Variants in PACS2 observed in about 807,000 individuals in gnomAD.
PACS2 encodes PACS1-like protein.
In PACS2, 36 loss-of-function variants were observed where a neutral mutation model predicts 113.0. The observed-to-expected ratio is 0.32, with a 90% confidence interval of 0.24 to 0.42. The LOEUF is 0.42. PACS2 is among the 10% of genes least tolerant of loss of function. PACS2 has a pLI of 1.00. For missense variants in PACS2, 1,015 were observed against 1,239.5 expected (o/e 0.82, Z 2.72); for synonymous variants, 589 against 536.1 (o/e 1.10, Z -1.36).
At chr14:105,378,082 T>C (rs1385482238) in intron 9 of PACS2, among the ~76,000 whole-genome samples, 1 of 152,222 alleles carries the variant, frequency 6.6e-6, no homozygotes, top group Non-Finnish European at 1.5e-5. Flanking sequence ...CAAGGCCCAG[T>C]GAAGTCCCCC....
At chr14:105,353,741 G>C (rs587709849) in intron 3 of PACS2, among the ~76,000 whole-genome samples, 122 of 152,000 alleles carry the variant, frequency 8.0e-4, no homozygotes, top group Non-Finnish European at 1.3e-3. Context: ...TTACAGGCAT[G>C]TGCCACCACG....
chr14:105,384,767 C>T (rs587690338), intron 17 of PACS2, 112 bp from the exon 18 acceptor site: 36 of 718,358 alleles, frequency 5.0e-5, no homozygotes, highest in African/African-American at 3.0e-4. Context: ...CGAGCCCTGC[C>T]GCGCTTCGGG....
chr14:105,301,659 G>T (rs1168142950), intron 1 of PACS2, among the ~76,000 whole-genome samples: 12 of 152,236 alleles, frequency 7.9e-5, no homozygotes, highest in Admixed American at 7.9e-4. Flanking sequence ...GCTATTCTCC[G>T]TTTTCTGTTC....
At chr14:105,333,233 T>C (rs1158683070) in intron 1 of PACS2, among the ~76,000 whole-genome samples, 3 of 152,208 alleles carry the variant, frequency 2.0e-5, no homozygotes, top group African/African-American at 7.2e-5. Flanking sequence ...GTTCCCTCTC[T>C]TCACCTGACA....
intron 17 of PACS2, 37 bp downstream of exon 17, chr14:105,384,500 G>A (rs782506714): frequency 2.8e-5 from 39 of 1,401,206 alleles, no homozygotes; most frequent in Admixed American, 1.9e-4. Context: ...ACGCCACGGC[G>A]GGAGGAAGGG....
intron 1 of PACS2, among the ~76,000 whole-genome samples, chr14:105,344,940 T>C (rs587599977): frequency 6.5e-4 from 99 of 151,312 alleles, no homozygotes; most frequent in African/African-American, 2.4e-3. Context: ...AAATCGTGTC[T>C]CCACCAAAAA....
chr14:105,316,012 C>T (rs892248781), intron 1 of PACS2, among the ~76,000 whole-genome samples: 1 of 152,230 alleles, frequency 6.6e-6, no homozygotes, highest in Non-Finnish European at 1.5e-5. Flanking sequence ...TGTTCCACCC[C>T]TAGTCAGCTG....
At chr14:105,313,125 AC>A (rs965138010), upstream of PACS2, among the ~76,000 whole-genome samples, 6 of 151,660 alleles carry the variant, frequency 4.0e-5, no homozygotes, top group African/African-American at 1.5e-4. Context: ...TCCTCACTTG[AC>A]CCCCAGTTGT....
intron 2 of PACS2, among the ~76,000 whole-genome samples, chr14:105,350,020 C>T (rs587610981): frequency 3.7e-4 from 56 of 150,076 alleles, no homozygotes; most frequent in African/African-American, 1.3e-3. Context: ...CGAGAACTTC[C>T]GGGAGCGCGT....
Position 105,368,529 on chromosome 14 carries a change from C to T in PACS2, c.731C>T (p.Ser244Phe). The T allele has an allele frequency of 6.2e-7, 1 of 1,613,448 alleles. No individual in the cohort carries two copies. The highest frequency in any genetic ancestry group is 1.1e-5 in the South Asian group (1 of 91,074). Residue 244 changes from serine (S) to phenylalanine (F), a missense_variant, in exon 7 of 25, where the codon TCC (serine) becomes TTC (phenylalanine). This residue lies in a region of PACS2 where 859 missense variants were observed against 1,056.8 expected (regional missense o/e 0.81). Transcript: ENST00000447393. ...CGGAGATCGATTGTAAGAACGACGT[C>T]CATGACCAGGGTTGGTGGAGACTGC... ...KQRRSIVRTT[S>F]MTRQQNFKQK...
chr14:105,332,118 T>C (rs1452580126), intron 1 of PACS2, among the ~76,000 whole-genome samples: 2 of 152,256 alleles, frequency 1.3e-5, no homozygotes, highest in African/African-American at 4.8e-5. Flanking sequence ...TTACTGAATA[T>C]GAGCATCTCT....
chr14:105,363,228 A>G (rs1269905851), intron 4 of PACS2, among the ~76,000 whole-genome samples: 1 of 152,178 alleles, frequency 6.6e-6, no homozygotes, highest in African/African-American at 2.4e-5. Context: ...TCCTAACAAG[A>G]GAGGCAGCCT....
At chr14:105,385,652 G>GTT in intron 18 of PACS2, 33 bp from the exon 19 acceptor site, 1 of 1,500,798 alleles carries the variant, frequency 6.7e-7, no homozygotes, top group Non-Finnish European at 8.9e-7. Flanking sequence ...GTCGTAACGT[G>GTT]TCTGTTTTCT....
chr14:105,371,299 C>T (rs1369057706), intron 8 of PACS2: 2 of 152,258 alleles, frequency 1.3e-5, no homozygotes, highest in African/African-American at 4.8e-5. Flanking sequence ...TGCTGAGCGC[C>T]TGTGGGTTCA....
At position 105,330,084 on chromosome 14, in the gene PACS2, C is replaced by T. The variant is rs139150131; in HGVS notation, c.119+15047C>T. 0.013 allele frequency among the ~76,000 whole-genome samples: 1,948 copies of T among 146,306 alleles called. 39 individuals are homozygous for T. Among genetic ancestry groups the T allele is most frequent in the African/African-American group, 0.047 (1,843 of 39,350 alleles). On this transcript the variant is annotated intron_variant, in intron 1 of 24. Transcript: ENST00000447393. This position sits in a 1 kb window ranked among gnomAD's most constrained non-coding sequence, Gnocchi z 6.9. The stretch of plus-strand genomic sequence containing the variant: ...CCTGGGGTCCATGTGTGGGAAGGAA[C>T]GGGGACAGGGAGCCTCCGAGAAGCC...
At chr14:105,333,597 C>T (rs1330915894) in intron 1 of PACS2, among the ~76,000 whole-genome samples, 1 of 152,222 alleles carries the variant, frequency 6.6e-6, no homozygotes, top group Non-Finnish European at 1.5e-5. Flanking sequence ...TTGCGGTGGC[C>T]ACTTGGGAAA....
chr14:105,367,231 G>A lies in PACS2; in HGVS notation c.442G>A (p.Glu148Lys). ...SMAEVMQHPS[E>K]GGQVLSLCSS... Reference sequence around the variant, plus strand: ...CCTGCAGGTGATGCAACACCCGTCTGAAGGTGGCCAGGTGCTGAGCCTCTG... The same window carrying A: ...CCTGCAGGTGATGCAACACCCGTCTAAAGGTGGCCAGGTGCTGAGCCTCTG... Residue 148 changes from glutamate to lysine, a missense_variant, in exon 5 of 25, where the codon GAA becomes AAA. Transcript: ENST00000447393. 6.2e-7 allele frequency: 1 copy of A among 1,613,096 alleles called. No homozygotes were observed. The highest frequency in any genetic ancestry group is 8.5e-7 in the Non-Finnish European group (1 of 1,180,000).
chr14:105,348,830 G>C lies in PACS2; in HGVS notation c.207+250G>C. On this transcript the variant is annotated intron_variant, in intron 2 of 24. Coordinates refer to ENST00000447393, the MANE Select transcript of PACS2 (RefSeq NM_001100913.3). This position sits in a 1 kb window ranked among gnomAD's most constrained non-coding sequence, Gnocchi z 6.4. ...ATGCATGGGGCCTTCCCAGGGCAGA[G>C]CTGCCCTCGAGTCACCTCACAGTGA... 1 of 460,646 alleles carries C rather than the reference G, an allele frequency of 2.2e-6. No homozygotes were observed. The highest frequency in any genetic ancestry group is 4.0e-6 in the Non-Finnish European group (1 of 252,280). The allele number at this position is 460,646 out of a possible 1,614,324, so 28.5% of individuals were successfully genotyped here. A position where few individuals can be genotyped will look rare whatever the true frequency, so the allele number is the denominator to read the frequency against.
At position 105,391,241 on chromosome 14, in the gene PACS2, C is replaced by T. The variant is rs1555414745; in HGVS notation, c.2111C>T (p.Ala704Val). Residue 704 changes from alanine to valine, a missense_variant, in exon 21 of 25, where the codon GCC becomes GTC. This residue lies in a region of PACS2 where 859 missense variants were observed against 1,056.8 expected (regional missense o/e 0.81). Transcript: ENST00000447393. ...VKVGIVEPSS[A>V]TSGDSDDAAP... Reference sequence around the variant, plus strand: ...GTTGGAATTGTGGAGCCATCCTCGGCCACATCAGGTAACCCCGTCCCACCC... The same window carrying T: ...GTTGGAATTGTGGAGCCATCCTCGGTCACATCAGGTAACCCCGTCCCACCC... 6.2e-7 allele frequency: 1 copy of T among 1,612,390 alleles called. No homozygotes were observed.
Sources: allele counts gnomAD v4.1 joint callset (sites outside exome capture counted in the v4.1 genomes callset), GRCh38; gene constraint gnomAD v4.1.1; regional missense constraint gnomAD v4.1.1; non-coding constraint Gnocchi (gnomAD v3.1); transcripts MANE v1.5; gene names NCBI Gene and HGNC (gene_info 2026-07-23, HGNC 2026-07-21).